Variants in ERGIC1 observed in about 807,000 individuals in gnomAD.
ERGIC1 encodes endoplasmic reticulum-golgi intermediate compartment 1.
A neutral mutation model predicts 38.3 loss-of-function variants in ERGIC1; 19 were observed. The observed-to-expected ratio is 0.50, with a 90% CI of 0.35 to 0.73. The LOEUF (loss-of-function observed/expected upper bound fraction) is 0.73, where lower values mean the gene tolerates loss of function less well. Ranked by LOEUF, ERGIC1 falls within the 30% of genes least tolerant of loss-of-function variation. ERGIC1 has a pLI of 0.01. For missense variants in ERGIC1, 294 were observed against 389.2 expected, an observed-to-expected ratio of 0.76 and a Z score of 2.06; for synonymous variants, 124 against 157.6, an observed-to-expected ratio of 0.79 and a Z score of 1.60.
intron 2 of ERGIC1, 42 bp downstream of exon 2, chr5:172,888,802 A>G (rs1385563318): frequency 1.3e-6 from 2 of 1,536,294 alleles, no homozygotes; most frequent in East Asian, 4.5e-5. Flanking sequence ...CCCCATCTCC[A>G]CTGCCTGTGC....
chr5:172,834,252 C>A lies in ERGIC1; in HGVS notation c.-162C>A. On this transcript the variant is annotated 5_prime_UTR_variant, in exon 1 of 10. Transcript: ENST00000393784. The surrounding 1 kb of genome is among the most constrained non-coding windows in gnomAD (Gnocchi z 4.1). Reference sequence around the variant, plus strand: ...GCCCAATGGGCTGCGCGGAGCGTCACTTCCCGGCAGCGGGAGGCGAGTGGC... The same window carrying A: ...GCCCAATGGGCTGCGCGGAGCGTCAATTCCCGGCAGCGGGAGGCGAGTGGC... The A allele has an allele frequency of 2.8e-6, 2 of 707,664 alleles. No individual in the cohort carries two copies. The highest frequency in any genetic ancestry group is 3.7e-6 in the Non-Finnish European group (2 of 545,522). 43.8% of individuals were successfully genotyped at this position (707,664 alleles called of 1,614,324 possible).
chr5:172,850,417 G>A (rs965309152), intron 1 of ERGIC1, among the ~76,000 whole-genome samples: 12 of 149,036 alleles, frequency 8.1e-5, no homozygotes, highest in Admixed American at 6.2e-4. Context: ...TCAGCCACCC[G>A]GGATTTGGCT....
chr5:172,851,216 A>AT (rs1160081174), intron 1 of ERGIC1, among the ~76,000 whole-genome samples: 3 of 147,226 alleles, frequency 2.0e-5, no homozygotes, highest in South Asian at 4.3e-4. Flanking sequence ...AAAAAAAAAA[A>AT]AAAATTAAAA....
chr5:172,855,700 C>T (rs792988), intron 1 of ERGIC1, among the ~76,000 whole-genome samples: 69,502 of 152,164 alleles, frequency 0.46, 19,045 homozygotes, highest in Non-Finnish European at 0.61. Flanking sequence ...GAGCCAGGCC[C>T]GTCCAGCACG....
At chr5:172,911,267 T>A (rs1763201438) in intron 4 of ERGIC1, among the ~76,000 whole-genome samples, 1 of 152,228 alleles carries the variant, frequency 6.6e-6, no homozygotes, top group Non-Finnish European at 1.5e-5. Flanking sequence ...AGGGAACCTG[T>A]TGAAATAGGT....
At chr5:172,928,919 G>A (rs922078843) in intron 7 of ERGIC1, among the ~76,000 whole-genome samples, 2 of 152,150 alleles carry the variant, frequency 1.3e-5, no homozygotes, top group Non-Finnish European at 2.9e-5. Flanking sequence ...TTTAGTACAC[G>A]GCCTGCCACA....
intron 2 of ERGIC1, among the ~76,000 whole-genome samples, chr5:172,893,124 CT>C (rs1475068835): frequency 6.6e-6 from 1 of 152,164 alleles, no homozygotes; most frequent in Non-Finnish European, 1.5e-5. Context: ...CAAGTTAGCA[CT>C]GACCTTCATG....
At chr5:172,912,118 A>T (rs555884835) in intron 4 of ERGIC1, among the ~76,000 whole-genome samples, 1 of 147,324 alleles carries the variant, frequency 6.8e-6, no homozygotes, top group African/African-American at 2.5e-5. Flanking sequence ...AGCTGTTCTC[A>T]TATTACTCAT....
Position 172,941,669 on chromosome 5 carries a change from T to C in ERGIC1, c.765+6359T>C, listed in dbSNP as rs578195338. Reference sequence around the variant, plus strand: ...TCATTTGATACAGTGACTTTCATCCTGAGAATCAGGAAGAACTATTAGAGC... The same window carrying C: ...TCATTTGATACAGTGACTTTCATCCCGAGAATCAGGAAGAACTATTAGAGC... On this transcript the variant is annotated intron_variant, in intron 9 of 9. Coordinates refer to ENST00000393784, the MANE Select transcript of ERGIC1 (RefSeq NM_001031711.3). Among the ~76,000 whole-genome samples, 7 of 152,328 alleles carry C rather than the reference T, an allele frequency of 4.6e-5. No homozygotes were observed. The South Asian group carries it at 8.3e-4, about 18-fold the overall frequency.
At chr5:172,914,254 A>AAAATAAAAT (rs1554112480) in intron 4 of ERGIC1, among the ~76,000 whole-genome samples, 2 of 131,240 alleles carry the variant, frequency 1.5e-5, no homozygotes, top group Non-Finnish European at 3.2e-5. Context: ...AAAAAAAAAA[A>AAAATAAAAT]AAATACAAAG....
At chr5:172,876,825 G>A (rs1156541058) in intron 1 of ERGIC1, among the ~76,000 whole-genome samples, 1 of 152,072 alleles carries the variant, frequency 6.6e-6, no homozygotes, top group Non-Finnish European at 1.5e-5. Flanking sequence ...CATACCATAT[G>A]GACCCTAGTT....
intron 3 of ERGIC1, among the ~76,000 whole-genome samples, chr5:172,904,562 A>G (rs1438554651): frequency 6.6e-6 from 1 of 152,252 alleles, no homozygotes; most frequent in Non-Finnish European, 1.5e-5. Context: ...AGTCAGGCCC[A>G]TGGAAGTCCT....
At chr5:172,903,926 G>T (rs1483117097) in intron 3 of ERGIC1, among the ~76,000 whole-genome samples, 6 of 151,578 alleles carry the variant, frequency 4.0e-5, no homozygotes, top group African/African-American at 1.5e-4. Context: ...TTACCAAGAA[G>T]GGTGTGGAAT....
intron 5 of ERGIC1, chr5:172,920,487 G>T (rs2113439039): frequency 1.4e-6 from 1 of 717,248 alleles, no homozygotes; most frequent in East Asian, 2.7e-5. Context: ...AGGATGGGGT[G>T]AGGGGTATGG....
chr5:172,947,910 GTGGTT>G (rs1181242024), intron 9 of ERGIC1, among the ~76,000 whole-genome samples: 14 of 150,792 alleles, frequency 9.3e-5, no homozygotes, highest in Middle Eastern at 3.4e-3. Flanking sequence ...GTGTGTGTGT[GTGGTT>G]ATTTTTTATT....
chr5:172,867,361 C>T (rs1761893626), intron 1 of ERGIC1: 2 of 418,936 alleles, frequency 4.8e-6, no homozygotes, highest in African/African-American at 2.0e-5. Flanking sequence ...CACAGGAGTC[C>T]TTGCTTAGCC....
At chr5:172,843,844 T>G (rs1222173288) in intron 1 of ERGIC1, among the ~76,000 whole-genome samples, 6 of 152,232 alleles carry the variant, frequency 3.9e-5, no homozygotes, top group African/African-American at 1.4e-4. Flanking sequence ...TCTGCAAGCC[T>G]CAGTTTTCCT....
chr5:172,876,171 G>C (rs1762136117), intron 1 of ERGIC1, among the ~76,000 whole-genome samples: 1 of 152,094 alleles, frequency 6.6e-6, no homozygotes, highest in Non-Finnish European at 1.5e-5. Context: ...CAGGCAGATG[G>C]ATCACTGCAT....
intron 1 of ERGIC1, among the ~76,000 whole-genome samples, chr5:172,835,192 C>G (rs1387639460): frequency 6.6e-6 from 1 of 152,194 alleles, no homozygotes; most frequent in Non-Finnish European, 1.5e-5. Flanking sequence ...AGGTGTGGAG[C>G]CCCAGGGGAT....
Sources: gnomAD v4.1 joint callset for allele counts (sites outside exome capture counted in the v4.1 genomes callset) on GRCh38, gnomAD v4.1.1 for gene constraint, Gnocchi (gnomAD v3.1) non-coding constraint, MANE v1.5 for transcripts, NCBI Gene and HGNC (gene_info 2026-07-23, HGNC 2026-07-21) for gene names.